Variants in ULK4 observed in about 807,000 individuals in gnomAD.
ULK4 encodes unc-51 like kinase 4, also known as inactive serine/threonine-protein kinase ULK4.
ULK4 carries 133 observed loss-of-function variants against 160.6 expected under a neutral mutation model. The ratio of observed to expected loss-of-function variants is 0.83; its 90% CI spans 0.72 to 0.96. The LOEUF (loss-of-function observed/expected upper bound fraction) is 0.96. ULK4 is among the 40% of genes least tolerant of loss of function. The pLI is 0.00. For missense variants in ULK4, 1,580 were observed against 1,499.5 expected (o/e 1.05, Z -0.89); for synonymous variants, 534 against 539.8 (o/e 0.99, Z 0.15).
chr3:41,938,019 A>G lies in ULK4; in HGVS notation c.238+79T>C, dbSNP rs549147348. The G allele has an allele frequency of 3.5e-5, 38 of 1,073,618 alleles. No homozygotes were observed. The Admixed American group carries it at 7.2e-4, about 20-fold the overall frequency. The allele number at this position is 1,073,618 out of a possible 1,614,324, so 66.5% of individuals were successfully genotyped here. ...GATTTTCAAGTTAACATAGTAAATA[A>G]CATCAAAAGTAACAAAACTTAACAG... is the stretch of plus-strand genomic sequence containing the variant. On this transcript the variant is annotated intron_variant, in intron 3 of 36. Transcript: ENST00000301831.
At chr3:41,266,248 C>G (rs2079030716) in intron 35 of ULK4, among the ~76,000 whole-genome samples, 1 of 152,118 alleles carries the variant, frequency 6.6e-6, no homozygotes, top group African/African-American at 2.4e-5. Flanking sequence ...ATCCTGGACT[C>G]AAAGGAGTTG....
chr3:41,395,092 C>T (rs1029335550), intron 35 of ULK4, among the ~76,000 whole-genome samples: 6 of 150,306 alleles, frequency 4.0e-5, no homozygotes, highest in Admixed American at 1.3e-4. Flanking sequence ...AATCACCACA[C>T]AGAAAGGCTC....
At chr3:41,563,839 G>A (rs536736154) in intron 32 of ULK4, among the ~76,000 whole-genome samples, 64 of 152,166 alleles carry the variant, frequency 4.2e-4, no homozygotes, top group Middle Eastern at 3.4e-3. Flanking sequence ...TGTTATTACC[G>A]ACCTTTTGAA....
intron 32 of ULK4, among the ~76,000 whole-genome samples, chr3:41,497,182 A>G (rs1363353903): frequency 1.3e-5 from 2 of 152,204 alleles, no homozygotes; most frequent in East Asian, 1.9e-4. Context: ...AATAGAAAAC[A>G]TAAACCAAAT....
chr3:41,607,629 G>A (rs1340251550), intron 31 of ULK4, among the ~76,000 whole-genome samples: 1 of 152,024 alleles, frequency 6.6e-6, no homozygotes, highest in Non-Finnish European at 1.5e-5. Context: ...AACTCACATA[G>A]GTAGACAAAG....
chr3:41,803,900 A>G (rs1280102975), intron 19 of ULK4, among the ~76,000 whole-genome samples: 94 of 152,204 alleles, frequency 6.2e-4, no homozygotes, highest in Admixed American at 2.7e-3. Context: ...GGACATTTGG[A>G]TTGGTTCCAA....
At chr3:41,542,741 C>T (rs556109393) in intron 32 of ULK4, among the ~76,000 whole-genome samples, 15 of 152,104 alleles carry the variant, frequency 9.9e-5, no homozygotes, top group East Asian at 3.9e-4. Flanking sequence ...TTCCTGGTTT[C>T]GACTTGGGAG....
intron 29 of ULK4, among the ~76,000 whole-genome samples, chr3:41,680,583 A>T (rs909392637): frequency 7.9e-5 from 12 of 152,204 alleles, no homozygotes; most frequent in African/African-American, 2.9e-4. Context: ...TATATGAGAG[A>T]GTTCAAACTC....
chr3:41,307,668 A>G (rs1440393490), intron 35 of ULK4, among the ~76,000 whole-genome samples: 1 of 152,116 alleles, frequency 6.6e-6, no homozygotes, highest in Non-Finnish European at 1.5e-5. Context: ...CTCTACAAAT[A>G]TATTTTAAAA....
At chr3:41,957,448 C>CAAAAAAAAAA (rs11455719) in intron 1 of ULK4, among the ~76,000 whole-genome samples, 2 of 97,248 alleles carry the variant, frequency 2.1e-5, no homozygotes, top group Non-Finnish European at 3.9e-5. Context: ...GAGCACCACT[C>CAAAAAAAAAA]AAAAAAAAAA....
intron 34 of ULK4, among the ~76,000 whole-genome samples, chr3:41,406,107 C>T (rs1043250890): frequency 6.6e-6 from 1 of 152,164 alleles, no homozygotes; most frequent in African/African-American, 2.4e-5. Context: ...TGAGGTCCTA[C>T]ATTTAAATCT....
chr3:41,339,168 G>T (rs1005743725), intron 35 of ULK4, among the ~76,000 whole-genome samples: 1 of 151,934 alleles, frequency 6.6e-6, no homozygotes, highest in Admixed American at 6.6e-5. Flanking sequence ...CCAGGGTGAG[G>T]CTCTAGTGGA....
chr3:41,350,849 C>A (rs1291380445), intron 35 of ULK4, among the ~76,000 whole-genome samples: 2 of 152,198 alleles, frequency 1.3e-5, no homozygotes, highest in Non-Finnish European at 2.9e-5. Flanking sequence ...TGGAGACCAA[C>A]CTTCAGGTTC....
In ULK4 at chr3:41,458,961, G is replaced by A. The variant is rs543226076; in HGVS notation, c.3394-3366C>T. On this transcript the variant is annotated intron_variant, in intron 33 of 36. Transcript: ENST00000301831. ...AATAGAGACAGGGTTTCACCATGTT[G>A]GCCAGGCTGCTCTCAAACTCCAGAC... Among the ~76,000 whole-genome samples, 151 of 152,086 alleles carry A rather than the reference G, an allele frequency of 9.9e-4. No individual in the cohort carries two copies. The Middle Eastern group carries it at 0.01, about 10-fold the overall frequency.
chr3:41,825,082 A>G (rs138415329), intron 18 of ULK4, among the ~76,000 whole-genome samples: 38,199 of 152,024 alleles, frequency 0.25, 5,888 homozygotes, highest in African/African-American at 0.44. Context: ...AGCAAACTCC[A>G]ACAGACCTGC....
intron 27 of ULK4, among the ~76,000 whole-genome samples, chr3:41,690,185 G>T (rs571354148): frequency 6.7e-6 from 1 of 148,658 alleles, no homozygotes; most frequent in Non-Finnish European, 1.5e-5. Context: ...GTAAACTATC[G>T]CAAGAACAAA....
Position 41,410,929 on chromosome 3 carries a change from T to A in ULK4, c.3493-12665A>T, listed in dbSNP as rs1022495278. Among the ~76,000 whole-genome samples the A allele has an allele frequency of 4.0e-5, 6 of 149,938 alleles. No homozygotes were observed. The Admixed American group carries it at 4.0e-4, about 10-fold the overall frequency. Reference sequence around the variant, plus strand: ...CATATTGGATTGAGGACCCACCATATTCCAGTATAACTTCATCTTAACTAT... The same window carrying A: ...CATATTGGATTGAGGACCCACCATAATCCAGTATAACTTCATCTTAACTAT... On this transcript the variant is annotated intron_variant, in intron 34 of 36. Coordinates refer to ENST00000301831, the MANE Select transcript of ULK4 (RefSeq NM_017886.4).
At chr3:41,286,331 G>T (rs904517084) in intron 35 of ULK4, among the ~76,000 whole-genome samples, 3 of 151,926 alleles carry the variant, frequency 2.0e-5, no homozygotes, top group African/African-American at 7.3e-5. Flanking sequence ...GCTTTTTTTG[G>T]CCAGAGAGTA....
At chr3:41,582,664 G>C (rs192315985) in intron 31 of ULK4, among the ~76,000 whole-genome samples, 13 of 152,234 alleles carry the variant, frequency 8.5e-5, no homozygotes, top group African/African-American at 2.9e-4. Context: ...AAAATAACTA[G>C]GCTCTACCTC....
Sources: gnomAD v4.1 joint callset for allele counts (sites outside exome capture counted in the v4.1 genomes callset) on GRCh38, gnomAD v4.1.1 for gene constraint, MANE v1.5 for transcripts, NCBI Gene and HGNC (gene_info 2026-07-23, HGNC 2026-07-21) for gene names.